Variants in TASP1 observed in about 807,000 individuals in gnomAD.
TASP1 encodes the protein taspase 1, also known as threonine aspartase 1.
TASP1 carries 16 observed loss-of-function variants against 56.6 expected under a neutral mutation model. The ratio of observed to expected loss-of-function variants is 0.28; its 90% confidence interval spans 0.19 to 0.43. TASP1 has a LOEUF of 0.43. TASP1 is among the 20% of genes least tolerant of loss of function. The probability of loss-of-function intolerance (pLI) is 1.00; values close to 1 mark genes in which losing one functional copy is unlikely to be tolerated. For synonymous variants in TASP1, 179 were observed against 184.2 expected, an observed-to-expected ratio of 0.97 and a Z score of 0.23; for missense variants, 393 against 511.6, an observed-to-expected ratio of 0.77 and a Z score of 2.24.
the TASP1 span, among the ~76,000 whole-genome samples, chr20:13,286,803 T>C: frequency 1.3e-5 from 2 of 152,190 alleles, no homozygotes; most frequent in African/African-American, 4.8e-5. Context: ...GAAACATGTG[T>C]GGACTACATT....
intron 10 of TASP1, among the ~76,000 whole-genome samples, chr20:13,503,546 C>A (rs1054548110): frequency 1.3e-5 from 2 of 152,036 alleles, no homozygotes; most frequent in Non-Finnish European, 2.9e-5. Context: ...AGTAATGCAA[C>A]ATGTCAAAGA....
chr20:13,515,997 C>T (rs1418626873), intron 10 of TASP1, among the ~76,000 whole-genome samples: 1 of 152,092 alleles, frequency 6.6e-6, no homozygotes, highest in African/African-American at 2.4e-5. Flanking sequence ...GTATGCTCAA[C>T]CAAACCCTAT....
the TASP1 span, among the ~76,000 whole-genome samples, chr20:13,171,098 T>TTTTGCCC: frequency 6.6e-6 from 1 of 152,226 alleles, no homozygotes. Context: ...CTATCAGTTT[T>TTTTGCCC]TTTGCCCTTT....
At chr20:13,279,966 A>G in the TASP1 span, 4 of 1,460,282 alleles carry the variant, frequency 2.7e-6, no homozygotes, top group African/African-American at 5.6e-5. Flanking sequence ...TTGGACATGG[A>G]GCCAAGCAAA....
At chr20:13,457,871 G>A (rs6042124) in intron 11 of TASP1, among the ~76,000 whole-genome samples, 241 of 152,198 alleles carry the variant, frequency 1.6e-3, no homozygotes, top group East Asian at 7.0e-3. Flanking sequence ...ACTATATCCC[G>A]GAAGGGGCTA....
chr20:13,539,507 A>AC (rs2045543158), intron 8 of TASP1, among the ~76,000 whole-genome samples: 2 of 151,876 alleles, frequency 1.3e-5, no homozygotes, highest in African/African-American at 4.8e-5. Context: ...CAATCGTCAC[A>AC]CCACTGCACT....
At chr20:13,323,520 T>C in the TASP1 span, among the ~76,000 whole-genome samples, 1 of 152,238 alleles carries the variant, frequency 6.6e-6, no homozygotes. Flanking sequence ...AAAAAACAGA[T>C]AAATGCTTCA....
the TASP1 span, among the ~76,000 whole-genome samples, chr20:13,355,047 T>TA: frequency 6.6e-6 from 1 of 152,156 alleles, no homozygotes; most frequent in South Asian, 2.1e-4. Flanking sequence ...TGTGATGTTA[T>TA]AATGTTAGGA....
At chr20:13,346,939 T>A in the TASP1 span, among the ~76,000 whole-genome samples, 1 of 152,266 alleles carries the variant, frequency 6.6e-6, no homozygotes, top group Non-Finnish European at 1.5e-5. Context: ...AGTTTGACTG[T>A]GTTCATAAGA....
rs1359800733 is a variant in TASP1 at position 13,533,945 on chromosome 20, A to G, written c.795+77T>C. The G allele has an allele frequency of 4.7e-6, 7 of 1,501,756 alleles. No individual in the cohort carries two copies. In the South Asian group the frequency reaches 5.3e-5, roughly 11 times the overall value. The allele number at this position is 1,501,756 out of a possible 1,614,324, so 93.0% of individuals were successfully genotyped here. A position where few individuals can be genotyped will look rare whatever the true frequency, so the allele number is the denominator to read the frequency against. On this transcript the variant is annotated intron_variant, in intron 9 of 13. Coordinates refer to ENST00000337743, the MANE Select transcript of TASP1 (RefSeq NM_017714.3). The stretch of plus-strand genomic sequence containing the variant: ...TTTTTTCTAAAGAAAAAATGTTCCC[A>G]CTGGTTAAAAAATTGTGAGCTAAAA...
rs894711289 is a variant in TASP1 at position 13,588,609 on chromosome 20, A to T, written c.283-1239T>A. ...AAAACAGAAATACATTTTTAAAAGA[A>T]GTATAAGACTTGTATGCTAAAAACT... On this transcript the variant is annotated intron_variant, in intron 4 of 13. Transcript: ENST00000337743. 2.6e-5 allele frequency among the ~76,000 whole-genome samples: 4 copies of T among 152,186 alleles called. No individual in the cohort carries two copies. In the South Asian group the frequency reaches 6.2e-4, roughly 24 times the overall value.
chr20:13,556,003 A>G (rs1294233281), intron 8 of TASP1, among the ~76,000 whole-genome samples: 1 of 152,144 alleles, frequency 6.6e-6, no homozygotes, highest in Non-Finnish European at 1.5e-5. Context: ...GCATCAAGTA[A>G]TAGGTTTTAT....
the TASP1 span, among the ~76,000 whole-genome samples, chr20:13,106,170 C>G: frequency 6.6e-6 from 1 of 152,106 alleles, no homozygotes; most frequent in African/African-American, 2.4e-5. Flanking sequence ...AGATATTTAT[C>G]TTTTCTAATA....
the TASP1 span, among the ~76,000 whole-genome samples, chr20:13,207,423 T>C: frequency 6.6e-6 from 1 of 152,188 alleles, no homozygotes; most frequent in African/African-American, 2.4e-5. Flanking sequence ...TATAGATAGA[T>C]AGACATAGAC....
At chr20:13,311,251 A>AGATAGATGATAGATAGAT in the TASP1 span, among the ~76,000 whole-genome samples, 1 of 127,518 alleles carries the variant, frequency 7.8e-6, no homozygotes, top group African/African-American at 3.2e-5. Flanking sequence ...GATGATAGAT[A>AGATAGATGATAGATAGAT]GATAGATAGA....
downstream of TASP1, among the ~76,000 whole-genome samples, chr20:13,387,578 G>A (rs1292751978): frequency 6.6e-6 from 1 of 152,152 alleles, no homozygotes; most frequent in Non-Finnish European, 1.5e-5. Flanking sequence ...GGGCATCTAG[G>A]TTGATTCCAT....
chr20:13,155,329 T>C, the TASP1 span, among the ~76,000 whole-genome samples: 2 of 152,174 alleles, frequency 1.3e-5, no homozygotes, highest in South Asian at 2.1e-4. Flanking sequence ...ATGTAACCCA[T>C]TGCTGGAACT....
chr20:13,136,682 T>G, the TASP1 span, among the ~76,000 whole-genome samples: 1 of 147,392 alleles, frequency 6.8e-6, no homozygotes, highest in East Asian at 1.9e-4. Context: ...TATACTTATA[T>G]AGTATATAAA....
intron 7 of TASP1, among the ~76,000 whole-genome samples, chr20:13,569,191 T>C (rs1279613431): frequency 1.3e-5 from 2 of 151,470 alleles, no homozygotes; most frequent in Non-Finnish European, 3.0e-5. Flanking sequence ...TATTTTCTTC[T>C]CTCTCTCTCT....
Sources: allele counts gnomAD v4.1 joint callset (sites outside exome capture counted in the v4.1 genomes callset), GRCh38; gene constraint gnomAD v4.1.1; transcripts MANE v1.5; gene names NCBI Gene and HGNC (gene_info 2026-07-23, HGNC 2026-07-21).